ATAD2B: variants seen among roughly 807,000 people sequenced by gnomAD.
The protein encoded by ATAD2B is ATPase family AAA domain containing 2B.
ATAD2B carries 40 observed loss-of-function variants against 167.6 expected under a neutral mutation model. That is an observed-to-expected ratio of 0.24 (90% CI 0.19 to 0.31). The LOEUF (loss-of-function observed/expected upper bound fraction) is 0.31, where lower values mean the gene tolerates loss of function less well. Ranked by LOEUF, ATAD2B falls within the 10% of genes least tolerant of loss-of-function variation. The pLI, the probability that ATAD2B is intolerant of heterozygous loss-of-function variation, is 1.00. For synonymous variants in ATAD2B, 579 were observed against 596.5 expected, an observed-to-expected ratio of 0.97 and a Z score of 0.43; for missense variants, 1,242 against 1,757.2, an observed-to-expected ratio of 0.71 and a Z score of 5.24.
chr2:23,684,584 G>C, the ATAD2B span: 1 of 1,479,760 alleles, frequency 6.8e-7, no homozygotes. This position sits in a 1 kb window ranked among gnomAD's most constrained non-coding sequence, Gnocchi z 4.4. Flanking sequence ...TTTGTAGGAC[G>C]CTTTTGTGTC....
chr2:23,832,426 C>CA (rs1367629200), intron 14 of ATAD2B: 1 of 239,534 alleles, frequency 4.2e-6, no homozygotes, highest in Admixed American at 5.4e-5. Context: ...CCATGCTGTG[C>CA]AATATAGTAA....
At chr2:23,855,207 A>AC (rs1553426907) in intron 13 of ATAD2B, among the ~76,000 whole-genome samples, 8 of 151,608 alleles carry the variant, frequency 5.3e-5, no homozygotes, top group Non-Finnish European at 1.2e-4. Flanking sequence ...AAAAAAAAAA[A>AC]ACACAAGGAC....
chr2:23,838,548 T>C (rs1690362001), intron 13 of ATAD2B, among the ~76,000 whole-genome samples: 1 of 152,326 alleles, frequency 6.6e-6, no homozygotes, highest in African/African-American at 2.4e-5. Flanking sequence ...TGACACAATA[T>C]TCAAGGCCTA....
intron 22 of ATAD2B, among the ~76,000 whole-genome samples, chr2:23,777,043 T>A (rs1400766197): frequency 5.9e-5 from 9 of 152,086 alleles, no homozygotes; most frequent in Admixed American, 5.2e-4. Context: ...ATCTGACTGA[T>A]GTCCTTACAA....
Position 23,786,304 on chromosome 2 carries a change from TAAAGA to T in ATAD2B, c.2777-86_2777-82del, listed in dbSNP as rs1403712619. On this transcript the variant is annotated intron_variant, in intron 20 of 27. Transcript: ENST00000238789. ...TTTGGCATTCTCTCAAAATGTTCTT[TAAAGA>T]AAAGAATTACAAATACAGTCATGTG... The T allele has an allele frequency of 1.3e-5, 15 of 1,143,486 alleles. No individual in the cohort carries two copies. In the East Asian group the frequency reaches 3.3e-4, roughly 25 times the overall value. 70.8% of individuals were successfully genotyped at this position (1,143,486 alleles called of 1,614,324 possible).
At chr2:23,870,137 G>A (rs1453664180) in intron 8 of ATAD2B, among the ~76,000 whole-genome samples, 1 of 151,424 alleles carries the variant, frequency 6.6e-6, no homozygotes, top group Non-Finnish European at 1.5e-5. Context: ...AACCCGGGAG[G>A]CGGAGGTTGC....
intron 17 of ATAD2B, among the ~76,000 whole-genome samples, chr2:23,818,658 CTTAAATTTGTTCAAAATAT>C (rs1332406380): frequency 6.6e-6 from 1 of 152,158 alleles, no homozygotes; most frequent in Non-Finnish European, 1.5e-5. Context: ...AAGTTGGAGA[CTTAAATTTGTTCAAAATAT>C]TAAAAGTACA....
Position 23,782,442 on chromosome 2 carries a change from G to T in ATAD2B, c.3133+427C>A, listed in dbSNP as rs572194798. On this transcript the variant is annotated intron_variant, in intron 22 of 27. Transcript: ENST00000238789. Reference sequence around the variant, plus strand: ...AGGAGTAAAATAACACAGTTACATAGAAATCCCAACAATCAAAAGAACAGA... The same window carrying T: ...AGGAGTAAAATAACACAGTTACATATAAATCCCAACAATCAAAAGAACAGA... Among the ~76,000 whole-genome samples the T allele has an allele frequency of 2.6e-5, 4 of 152,252 alleles. No homozygotes were observed. In the South Asian group the frequency reaches 8.3e-4, roughly 32 times the overall value.
intron 13 of ATAD2B, among the ~76,000 whole-genome samples, chr2:23,838,450 T>TAA (rs11301797): frequency 6.8e-6 from 1 of 147,098 alleles, no homozygotes; most frequent in East Asian, 2.0e-4. Flanking sequence ...AAGTTGTCTT[T>TAA]AAAAAAAAAA....
intron 19 of ATAD2B, among the ~76,000 whole-genome samples, chr2:23,793,017 T>A (rs1413377334): frequency 2.1e-5 from 3 of 144,376 alleles, no homozygotes; most frequent in Non-Finnish European, 4.6e-5. Flanking sequence ...TCCTCTTAAA[T>A]TTTAAGAATC....
At chr2:23,896,110 G>T in intron 1 of ATAD2B, 140 bp from the exon 2 acceptor site, 1 of 422,860 alleles carries the variant, frequency 2.4e-6, no homozygotes, top group Non-Finnish European at 4.1e-6. Context: ...GAGGTCAGGA[G>T]TTCAAGACCA....
chr2:23,838,781 G>GGATAAA, intron 13 of ATAD2B, among the ~76,000 whole-genome samples: 1 of 152,174 alleles, frequency 6.6e-6, no homozygotes, highest in South Asian at 2.1e-4. Context: ...GCATCCATAT[G>GGATAAA]TGTGTGCATT....
chr2:23,888,329 G>A (rs1266882365), intron 3 of ATAD2B, 21 bp downstream of exon 3: 9 of 1,536,188 alleles, frequency 5.9e-6, no homozygotes, highest in African/African-American at 1.4e-5. Context: ...AAACTAACCA[G>A]TTTTATAATA....
chr2:23,746,069 C>T (rs1674862621), downstream of ATAD2B, among the ~76,000 whole-genome samples: 1 of 152,218 alleles, frequency 6.6e-6, no homozygotes, highest in Non-Finnish European at 1.5e-5. Context: ...CTTGATGCCT[C>T]AGCTCAGGCA....
intron 22 of ATAD2B, among the ~76,000 whole-genome samples, chr2:23,777,368 A>T (rs147732091): frequency 9.9e-5 from 15 of 151,798 alleles, no homozygotes; most frequent in Non-Finnish European, 1.6e-4. Context: ...ATCTATATCT[A>T]TATCTATATC....
chr2:23,743,432 G>A, the ATAD2B span, among the ~76,000 whole-genome samples: 11 of 151,734 alleles, frequency 7.2e-5, no homozygotes, highest in East Asian at 1.9e-4. Context: ...GCATGGTGGC[G>A]CATGCCTGTA....
At chr2:23,872,951 A>G (rs761877171) in intron 8 of ATAD2B, 8 of 754,424 alleles carry the variant, frequency 1.1e-5, no homozygotes, top group South Asian at 5.4e-5. Context: ...CAGTCGCTGA[A>G]GCAGTTCTCC....
intron 4 of ATAD2B, 72 bp from the exon 5 acceptor site, chr2:23,885,901 G>T: frequency 1.1e-6 from 1 of 897,114 alleles, no homozygotes; most frequent in East Asian, 2.8e-5. Flanking sequence ...CTTTGTGAAA[G>T]TGTAATCAAA....
At chr2:23,824,613 G>A (rs939701428) in intron 15 of ATAD2B, among the ~76,000 whole-genome samples, 6 of 151,614 alleles carry the variant, frequency 4.0e-5, no homozygotes, top group African/African-American at 1.5e-4. Context: ...TCTTTTTTTA[G>A]TTTAAAATGA....
Sources: gnomAD v4.1 joint callset for allele counts (sites outside exome capture counted in the v4.1 genomes callset) on GRCh38, gnomAD v4.1.1 for gene constraint, Gnocchi (gnomAD v3.1) non-coding constraint, MANE v1.5 for transcripts, NCBI Gene and HGNC (gene_info 2026-07-23, HGNC 2026-07-21) for gene names.